NFASC: variants seen among roughly 807,000 people sequenced by gnomAD.
NFASC encodes the protein neurofascin.
NFASC carries 43 observed loss-of-function variants against 147.5 expected under a neutral mutation model. The ratio of observed to expected loss-of-function variants is 0.29; its 90% confidence interval spans 0.23 to 0.38. The LOEUF is 0.38. Among genes scored for constraint, NFASC ranks in the 10% least tolerant of loss-of-function variants. NFASC has a pLI of 1.00. For synonymous variants in NFASC, 622 were observed against 665.5 expected, an observed-to-expected ratio of 0.93 and a Z score of 1.01; for missense variants, 1,320 against 1,689.0, an observed-to-expected ratio of 0.78 and a Z score of 3.83.
At chr1:204,933,473 A>G (rs60903481) in intron 2 of NFASC, among the ~76,000 whole-genome samples, 27,236 of 152,150 alleles carry the variant, frequency 0.18, 3,536 homozygotes, top group East Asian at 0.63. Context: ...CATGACCCCA[A>G]TGGAGACACT....
chr1:204,843,658 T>TCCTTCCTCCCTC, intron 1 of NFASC, among the ~76,000 whole-genome samples: 1 of 81,326 alleles, frequency 1.2e-5, no homozygotes, highest in Admixed American at 1.5e-4. Context: ...CTCCCTCCCT[T>TCCTTCCTCCCTC]CCTTCCTCCC....
chr1:204,855,732 A>G (rs1364474148), intron 1 of NFASC, among the ~76,000 whole-genome samples: 1 of 152,134 alleles, frequency 6.6e-6, no homozygotes, highest in Non-Finnish European at 1.5e-5. Flanking sequence ...CCTTGCTGCT[A>G]TGGTCTCACC....
rs751426661 is a variant in NFASC at position 204,986,013 on chromosome 1, G to A, written c.2471-1405G>A. 9.3e-6 allele frequency: 15 copies of A among 1,613,938 alleles called. No individual in the cohort carries two copies. Among genetic ancestry groups the A allele is most frequent in the Admixed American group, 1.7e-5 (1 of 60,024 alleles). ...GACCGCCTCCGTGGCGTGGTGTCCC[G>A]CCTCTTCCCCTACAGTAACTACAAG... On this transcript the variant is annotated intron_variant, in intron 21 of 29. Coordinates refer to ENST00000339876, the MANE Select transcript of NFASC (RefSeq NM_001005388.3). The surrounding 1 kb of genome is among the most constrained non-coding windows in gnomAD (Gnocchi z 4.2).
chr1:204,898,991 C>T (rs576582618), intron 1 of NFASC, among the ~76,000 whole-genome samples: 1 of 152,302 alleles, frequency 6.6e-6, no homozygotes, highest in South Asian at 2.1e-4. Flanking sequence ...GACACAGCCC[C>T]TGCCTTCAGA....
At chr1:204,984,609 C>A (rs537770785) in intron 21 of NFASC, among the ~76,000 whole-genome samples, 1 of 151,822 alleles carries the variant, frequency 6.6e-6, no homozygotes, top group South Asian at 2.1e-4. Context: ...CCCTACTGGG[C>A]TCCTTATCTC....
In NFASC at chr1:204,909,768, T is replaced by TTTTC. The variant is rs375183949; in HGVS notation, c.-199-10844_-199-10841dup. ...ATAAGGACTTAGGTTAAGATTCCTT[T>TTTTC]TTTCTTTCTTTCTTTCTTTCTTTTT... On this transcript the variant is annotated intron_variant, in intron 1 of 29. Transcript: ENST00000339876. Among the ~76,000 whole-genome samples the TTTTC allele has an allele frequency of 8.9e-3, 1,354 of 152,056 alleles. 24 individuals are homozygous for TTTTC. The highest frequency in any genetic ancestry group is 0.03 in the African/African-American group (1,262 of 41,532).
intron 2 of NFASC, among the ~76,000 whole-genome samples, chr1:204,921,523 T>C (rs1050999439): frequency 4.6e-5 from 7 of 152,068 alleles, no homozygotes; most frequent in Admixed American, 3.9e-4. Context: ...TTGTCTTTTT[T>C]CCTCCCAGAA....
At chr1:204,959,338 G>A (rs901812497) in intron 8 of NFASC, among the ~76,000 whole-genome samples, 3 of 152,164 alleles carry the variant, frequency 2.0e-5, no homozygotes, top group Admixed American at 6.5e-5. Context: ...CTTCACTCCA[G>A]TTGCTCCCCC....
intron 28 of NFASC, 54 bp from the exon 29 acceptor site, chr1:205,012,743 A>AG (rs2096276118): frequency 7.7e-7 from 1 of 1,293,448 alleles, no homozygotes. Flanking sequence ...CCTAGAGAGC[A>AG]GGGGCATGTA....
chr1:205,003,259 A>C (rs996302156), intron 27 of NFASC, among the ~76,000 whole-genome samples: 5 of 152,194 alleles, frequency 3.3e-5, no homozygotes, highest in Non-Finnish European at 7.3e-5. Context: ...TGAGTGACAC[A>C]ACTTGTTTGG....
At chr1:204,838,734 TC>T (rs1322642355) in intron 1 of NFASC, among the ~76,000 whole-genome samples, 1 of 152,220 alleles carries the variant, frequency 6.6e-6, no homozygotes, top group Non-Finnish European at 1.5e-5. Context: ...CTGATCCATC[TC>T]CCACTGCAAC....
chr1:204,874,878 G>T, intron 1 of NFASC, among the ~76,000 whole-genome samples: 1 of 152,086 alleles, frequency 6.6e-6, no homozygotes, highest in East Asian at 1.9e-4. Flanking sequence ...GGGTGGTGGG[G>T]GCAGGTGGCA....
intron 1 of NFASC, among the ~76,000 whole-genome samples, chr1:204,844,656 A>G (rs952937464): frequency 6.6e-6 from 1 of 152,122 alleles, no homozygotes; most frequent in Non-Finnish European, 1.5e-5. Flanking sequence ...TGAGGCAAGC[A>G]GATCACTTGG....
At chr1:204,997,039 T>C in intron 24 of NFASC, 131 bp from the exon 25 acceptor site, 2 of 1,411,772 alleles carry the variant, frequency 1.4e-6, no homozygotes, top group Non-Finnish European at 1.9e-6. Context: ...CAGTCCGTTA[T>C]GCTTGGGGAG....
At chr1:204,886,214 G>T (rs938928821) in intron 1 of NFASC, among the ~76,000 whole-genome samples, 4 of 152,138 alleles carry the variant, frequency 2.6e-5, no homozygotes, top group Non-Finnish European at 4.4e-5. Context: ...TTTCAAAAAT[G>T]CTTTAAGCAA....
chr1:204,853,676 C>A (rs779911844), intron 1 of NFASC, among the ~76,000 whole-genome samples: 1 of 152,216 alleles, frequency 6.6e-6, no homozygotes, highest in Admixed American at 6.5e-5. Context: ...GTGCCAAACC[C>A]ATACCAGCCC....
chr1:205,012,971 C>T (rs1009643302), intron 29 of NFASC, 105 bp downstream of exon 29: 6 of 796,052 alleles, frequency 7.5e-6, no homozygotes, highest in African/African-American at 1.7e-5. Flanking sequence ...CCATGAGTAG[C>T]TGTCCTTGCC....
chr1:204,993,433 G>GT (rs889013693), intron 24 of NFASC, among the ~76,000 whole-genome samples: 49 of 152,338 alleles, frequency 3.2e-4, no homozygotes, highest in African/African-American at 1.2e-3. Context: ...TCCGTGGCAG[G>GT]TTCTGGGACA....
chr1:205,014,051 G>T (rs7529986), intron 29 of NFASC, among the ~76,000 whole-genome samples: 5,531 of 152,248 alleles, frequency 0.036, 345 homozygotes, highest in African/African-American at 0.13. Context: ...GACTTCCCTG[G>T]CTTTTTGTTC....
Sources: gnomAD v4.1 joint callset for allele counts (sites outside exome capture counted in the v4.1 genomes callset) on GRCh38, gnomAD v4.1.1 for gene constraint, Gnocchi (gnomAD v3.1) non-coding constraint, MANE v1.5 for transcripts, NCBI Gene and HGNC (gene_info 2026-07-23, HGNC 2026-07-21) for gene names.